UBA6: variants seen among roughly 807,000 people sequenced by gnomAD.
UBA6 encodes the protein ubiquitin-like modifier-activating enzyme 6.
A neutral mutation model predicts 148.3 loss-of-function variants in UBA6; 87 were observed. The observed-to-expected ratio is 0.59, with a 90% CI of 0.49 to 0.70. The LOEUF (loss-of-function observed/expected upper bound fraction) is 0.70, where lower values mean the gene tolerates loss of function less well. Ranked by LOEUF, UBA6 falls within the 30% of genes least tolerant of loss-of-function variation. The pLI, the probability that UBA6 is intolerant of heterozygous loss-of-function variation, is 0.00. For missense variants in UBA6, 1,186 were observed against 1,241.2 expected, an observed-to-expected ratio of 0.96 and a Z score of 0.67; for synonymous variants, 376 against 401.0, an observed-to-expected ratio of 0.94 and a Z score of 0.75.
In UBA6 at chr4:67,636,514, G is replaced by A. The variant is rs570167899; in HGVS notation, c.1737-956C>T. Reference sequence around the variant, plus strand: ...CTGCCTGATTCTCCTGCCTCAGCCTGCCTAGTGCCTGCGATTGCAGGCGCG... The same window carrying A: ...CTGCCTGATTCTCCTGCCTCAGCCTACCTAGTGCCTGCGATTGCAGGCGCG... On this transcript the variant is annotated intron_variant, in intron 19 of 32. Coordinates refer to ENST00000322244, the MANE Select transcript of UBA6 (RefSeq NM_018227.6). 1.4e-4 allele frequency among the ~76,000 whole-genome samples: 22 copies of A among 152,312 alleles called. No individual in the cohort carries two copies. The East Asian group carries it at 3.5e-3, about 24-fold the overall frequency.
At chr4:67,634,594 G>T in intron 20 of UBA6, 76 bp from the exon 21 acceptor site, 2 of 1,026,424 alleles carry the variant, frequency 1.9e-6, no homozygotes, top group African/African-American at 1.7e-5. Context: ...CTAGTTTTGA[G>T]CTTTAAGCCT....
At chr4:67,652,321 A>C (rs1729571567) in intron 13 of UBA6, among the ~76,000 whole-genome samples, 1 of 152,238 alleles carries the variant, frequency 6.6e-6, no homozygotes, top group African/African-American at 2.4e-5. Flanking sequence ...TATGAATGGC[A>C]AATAAGCATA....
chr4:67,684,208 G>T lies in UBA6; in HGVS notation c.135-1995C>A, dbSNP rs139308636. Among the ~76,000 whole-genome samples, 137 of 152,234 alleles carry T rather than the reference G, an allele frequency of 9.0e-4. 1 individual carries two copies. Among genetic ancestry groups the T allele is most frequent in the African/African-American group, 3.2e-3 (132 of 41,540 alleles). Reference sequence around the variant, plus strand: ...GCTGTGCAGGCTTGGTCTTTAGAAGGGCATGCTTACAGGGCTGGCCCTTGG... The same window carrying T: ...GCTGTGCAGGCTTGGTCTTTAGAAGTGCATGCTTACAGGGCTGGCCCTTGG... On this transcript the variant is annotated intron_variant, in intron 2 of 32. Transcript: ENST00000322244.
At chr4:67,681,831 T>A (rs1730447174) in intron 3 of UBA6, among the ~76,000 whole-genome samples, 1 of 152,228 alleles carries the variant, frequency 6.6e-6, no homozygotes, top group South Asian at 2.1e-4. Context: ...CTTCCAGATA[T>A]GTTTTTATGA....
chr4:67,677,692 T>C lies in UBA6; in HGVS notation c.384A>G (p.Glu128=). The change falls in exon 6 of 33, where the codon GAA becomes GAG. Residue 128 remains glutamate, a synonymous_variant. Transcript: ENST00000322244. The part of the protein sequence containing the change: ...RAEAVLKHIA[E]LNPYVHVTSS... ...ATGTGACATGAACGTATGGATTTAG[T>C]TCTGCAATATGTTTAAGTACAGCTT... 1.9e-6 allele frequency: 3 copies of C among 1,602,550 alleles called. No homozygotes were observed.
At chr4:67,663,436 A>C (rs753055832) in intron 11 of UBA6, 1 of 409,896 alleles carries the variant, frequency 2.4e-6, no homozygotes, top group African/African-American at 2.1e-5. Context: ...TTCCTTATTA[A>C]AATTTACAAA....
rs1430745248 is a variant in UBA6 at position 67,670,571 on chromosome 4, C to T, written c.568G>A (p.Gly190Arg). 1 of 1,611,696 alleles carries T rather than the reference C, an allele frequency of 6.2e-7. No individual in the cohort carries two copies. Among genetic ancestry groups the T allele is most frequent in the Non-Finnish European group, 8.5e-7 (1 of 1,178,242 alleles). ...TCACAAAATAACCTTGACCAAATTC[C>T]ATGTACATCTGCACTGATAAACTGT... ...PIKFISADVH[G>R]IWSRLFCDFG... Residue 190 changes from glycine (G) to arginine (R), a missense_variant, in exon 8 of 33, where the codon GGA (glycine) becomes AGA (arginine). By Grantham distance (125) the Gly-to-Arg change is moderately radical (BLOSUM62 -2). Transcript: ENST00000322244.
At chr4:67,652,129 C>T (rs1344787600) in intron 13 of UBA6, among the ~76,000 whole-genome samples, 1 of 151,976 alleles carries the variant, frequency 6.6e-6, no homozygotes, top group African/African-American at 2.4e-5. Context: ...AAAGCACAAA[C>T]CACAAAAAGT....
intron 8 of UBA6, among the ~76,000 whole-genome samples, chr4:67,668,908 T>G (rs955749083): frequency 4.6e-5 from 7 of 152,180 alleles, no homozygotes; most frequent in African/African-American, 1.7e-4. Flanking sequence ...TGGTAGGAGA[T>G]GTTCAAAAAT....
intron 15 of UBA6, 104 bp downstream of exon 15, chr4:67,646,619 CA>C: frequency 2.5e-6 from 2 of 793,852 alleles, no homozygotes; most frequent in Non-Finnish European, 2.0e-6. Context: ...AAAACAACTA[CA>C]AAAGTGATTT....
At chr4:67,633,777 T>C (rs1175344962) in intron 22 of UBA6, among the ~76,000 whole-genome samples, 1 of 152,138 alleles carries the variant, frequency 6.6e-6, no homozygotes, top group African/African-American at 2.4e-5. Context: ...ATAAGTGCTA[T>C]GAATATTTGA....
At chr4:67,630,351 T>C (rs1435896190) in intron 26 of UBA6, 115 bp downstream of exon 26, 4 of 746,976 alleles carry the variant, frequency 5.4e-6, no homozygotes, top group Non-Finnish European at 8.6e-6. Flanking sequence ...AAAAATTCTG[T>C]ATCAAAAAGA....
intron 30 of UBA6, 70 bp downstream of exon 30, chr4:67,624,056 T>A (rs1728810466): frequency 7.5e-7 from 1 of 1,340,216 alleles, no homozygotes; most frequent in Non-Finnish European, 1.0e-6. Context: ...AGCTAGTATT[T>A]TTCCCTTTTA....
chr4:67,616,335 A>G lies in UBA6; in HGVS notation c.*2662T>C. On this transcript the variant is annotated 3_prime_UTR_variant, in exon 33 of 33. Coordinates refer to ENST00000322244, the MANE Select transcript of UBA6 (RefSeq NM_018227.6). ...TTTTTTTTTTCCCTAAAAATTTCAA[A>G]AGAACAATTTTCTATCTTCATTTTA... The G allele has an allele frequency of 2.7e-6, 1 of 376,620 alleles. No individual in the cohort carries two copies. Among genetic ancestry groups the G allele is most frequent in the Non-Finnish European group, 4.7e-6 (1 of 212,442 alleles). 23.3% of individuals were successfully genotyped at this position (376,620 alleles called of 1,614,324 possible).
intron 1 of UBA6, among the ~76,000 whole-genome samples, chr4:67,700,449 T>TGG (rs1418554734): frequency 6.6e-6 from 1 of 152,030 alleles, no homozygotes; most frequent in Non-Finnish European, 1.5e-5. Context: ...CCCCTAATTT[T>TGG]ACAGGGGCGG....
intron 28 of UBA6, 65 bp downstream of exon 28, chr4:67,626,295 T>G: frequency 1.1e-6 from 1 of 895,924 alleles, no homozygotes; most frequent in Non-Finnish European, 1.9e-6. Flanking sequence ...AATTCTTAGG[T>G]GTAGAGCTTA....
intron 2 of UBA6, among the ~76,000 whole-genome samples, chr4:67,691,196 T>C (rs1213082346): frequency 6.6e-6 from 1 of 151,910 alleles, no homozygotes; most frequent in Non-Finnish European, 1.5e-5. Flanking sequence ...ATTAAGAAAA[T>C]GTCATGAATG....
chr4:67,634,114 T>C (rs1041174349), intron 22 of UBA6, 128 bp downstream of exon 22: 2 of 593,428 alleles, frequency 3.4e-6, no homozygotes, highest in Non-Finnish European at 5.6e-6. Context: ...AGATTCCTTA[T>C]GTATCATTTC....
chr4:67,633,581 GCTTTT>G (rs1211932113), intron 22 of UBA6, 108 bp from the exon 23 acceptor site: 2 of 971,664 alleles, frequency 2.1e-6, no homozygotes, highest in Admixed American at 3.1e-5. Context: ...TGTGTTTTAT[GCTTTT>G]CTTTTTTCAC....
Sources: allele counts gnomAD v4.1 joint callset (sites outside exome capture counted in the v4.1 genomes callset), GRCh38; gene constraint gnomAD v4.1.1; transcripts MANE v1.5; gene names NCBI Gene and HGNC (gene_info 2026-07-23, HGNC 2026-07-21).